The following RUSC2 variants were observed in gnomAD, a reference collection of about 807,000 sequenced individuals.
The protein encoded by RUSC2 is RUN and SH3 domain containing 2, also known as AP-4 complex accessory subunit RUSC2.
In RUSC2, 34 loss-of-function variants were observed where a neutral mutation model predicts 122.2. The observed-to-expected ratio is 0.28, with a 90% CI of 0.21 to 0.37. RUSC2 has a LOEUF of 0.37. RUSC2 is among the 10% of genes least tolerant of loss of function. The pLI, the probability that RUSC2 is intolerant of heterozygous loss-of-function variation, is 1.00. For missense variants in RUSC2, 1,747 were observed against 1,952.4 expected (o/e 0.89, Z 1.98); for synonymous variants, 784 against 790.0 (o/e 0.99, Z 0.13).
At chr9:35,530,681 C>T (rs1821402569) in intron 1 of RUSC2, among the ~76,000 whole-genome samples, 1 of 152,042 alleles carries the variant, frequency 6.6e-6, no homozygotes, top group East Asian at 2.0e-4. Flanking sequence ...ACTCTGTCGC[C>T]CAGGCTGGAG....
At chr9:35,559,982 A>G in intron 9 of RUSC2, 47 bp from the exon 10 acceptor site, 1 of 1,491,980 alleles carries the variant, frequency 6.7e-7, no homozygotes, top group South Asian at 1.3e-5. Context: ...CACTTGGGCC[A>G]GGCTCTGGTT....
intron 1 of RUSC2, among the ~76,000 whole-genome samples, chr9:35,501,393 A>G (rs1820814543): frequency 1.3e-5 from 2 of 152,220 alleles, no homozygotes. Context: ...CCTTGGCAAC[A>G]TGGGAAAACC....
At chr9:35,520,964 C>T (rs1821202208) in intron 1 of RUSC2, among the ~76,000 whole-genome samples, 1 of 152,112 alleles carries the variant, frequency 6.6e-6, no homozygotes, top group African/African-American at 2.4e-5. Context: ...TTCCTTATTC[C>T]CTATAGTCTT....
At position 35,548,717 on chromosome 9, in the gene RUSC2, A is replaced by G; in HGVS notation, c.2014+182A>G. On this transcript the variant is annotated intron_variant, in intron 2 of 11. Coordinates refer to ENST00000361226, the MANE Select transcript of RUSC2 (RefSeq NM_014806.5). This position sits in a 1 kb window ranked among gnomAD's most constrained non-coding sequence, Gnocchi z 4.5. ...CTACAGTGGAATAGGCTCACTGGAG[A>G]AAGACAGAGGACTCAAAAATACACT... is the stretch of plus-strand genomic sequence containing the variant. The G allele has an allele frequency of 1.0e-6, 1 of 985,268 alleles. No individual in the cohort carries two copies. 61.0% of individuals were successfully genotyped at this position (985,268 alleles called of 1,614,324 possible). A position where few individuals can be genotyped will look rare whatever the true frequency, so the allele number is the denominator to read the frequency against.
chr9:35,515,508 A>G (rs796472968), intron 1 of RUSC2, among the ~76,000 whole-genome samples: 15 of 152,246 alleles, frequency 9.9e-5, no homozygotes, highest in African/African-American at 2.6e-4. Flanking sequence ...GTTTTTCTCT[A>G]TCAAGGATAT....
intron 1 of RUSC2, among the ~76,000 whole-genome samples, chr9:35,492,726 C>T (rs1192187362): frequency 4.6e-5 from 7 of 152,012 alleles, no homozygotes. Context: ...TCTTAAGTGG[C>T]ATTAAATATA....
chr9:35,500,442 G>C (rs575281451), intron 1 of RUSC2, among the ~76,000 whole-genome samples: 67 of 152,234 alleles, frequency 4.4e-4, no homozygotes, highest in African/African-American at 1.6e-3. Context: ...GATTTGGGTG[G>C]GAACATAGCC....
intron 1 of RUSC2, among the ~76,000 whole-genome samples, chr9:35,542,362 TAA>T (rs2132545324): frequency 1.3e-5 from 2 of 152,322 alleles, no homozygotes; most frequent in South Asian, 4.1e-4. Context: ...TTAGGACAGG[TAA>T]AGATTTCTTA....
rs746193398 is a variant in RUSC2, at chr9:35,547,206, T to C, written c.685T>C (p.Trp229Arg). Residue 229 changes from tryptophan to arginine, a missense_variant, in exon 2 of 12, where the codon TGG becomes CGG. Coordinates refer to ENST00000361226, the MANE Select transcript of RUSC2 (RefSeq NM_014806.5). The surrounding 1 kb of genome is among the most constrained non-coding windows in gnomAD (Gnocchi z 4.6). ...DTSGFSFDQEWKLSSDESPRN... is the reference protein window; with the variant it reads ...DTSGFSFDQERKLSSDESPRN... ...CTCTGGCTTTTCCTTTGACCAGGAA[T>C]GGAAGCTCAGTTCAGATGAATCCCC... The C allele has an allele frequency of 1.2e-6, 2 of 1,614,168 alleles. No individual in the cohort carries two copies. The highest frequency in any genetic ancestry group is 3.3e-5 in the Admixed American group (2 of 60,030).
In RUSC2 at chr9:35,547,060, T is replaced by G; in HGVS notation, c.539T>G (p.Leu180Trp). 2 of 1,613,018 alleles carry G rather than the reference T, an allele frequency of 1.2e-6. No homozygotes were observed. The highest frequency in any genetic ancestry group is 1.7e-6 in the Non-Finnish European group (2 of 1,179,406). The change falls in exon 2 of 12, where the codon TTG (leucine) becomes TGG (tryptophan). Residue 180 changes from leucine to tryptophan, a missense_variant. By Grantham distance (61) the Leu-to-Trp change is moderately conservative. Transcript: ENST00000361226. The surrounding 1 kb of genome is among the most constrained non-coding windows in gnomAD (Gnocchi z 4.6). ...EGQEQEPVMT[L>W]DTQQCGTSHC... ...CAGGAACAGGAGCCAGTGATGACCT[T>G]GGATACTCAGCAGTGCGGCACCAGC...
chr9:35,548,491 C>T lies in RUSC2; in HGVS notation c.1970C>T (p.Pro657Leu). Residue 657 changes from proline (P) to leucine (L), a missense_variant, in exon 2 of 12, where the codon CCA (proline) becomes CTA (leucine). By Grantham distance (98) the Pro-to-Leu change is moderately conservative (BLOSUM62 -3). Coordinates refer to ENST00000361226, the MANE Select transcript of RUSC2 (RefSeq NM_014806.5). This position sits in a 1 kb window ranked among gnomAD's most constrained non-coding sequence, Gnocchi z 4.5. ...MDPGPALPGS[P>L]ANSHTQRDAR... ...CCAGGGCCTGCTCTCCCAGGGAGCC[C>T]AGCCAACAGCCATACCCAGAGGGAT... 6.2e-7 allele frequency: 1 copy of T among 1,613,622 alleles called. No homozygotes were observed. Among genetic ancestry groups the T allele is most frequent in the Non-Finnish European group, 8.5e-7 (1 of 1,179,972 alleles).
At chr9:35,491,813 G>A (rs998076063) in intron 1 of RUSC2, among the ~76,000 whole-genome samples, 2 of 152,158 alleles carry the variant, frequency 1.3e-5, no homozygotes, top group Non-Finnish European at 2.9e-5. Flanking sequence ...ACCGGGCATG[G>A]TGGTGTGCAC....
intron 1 of RUSC2, among the ~76,000 whole-genome samples, chr9:35,529,261 G>A (rs1249197151): frequency 6.6e-6 from 1 of 152,052 alleles, no homozygotes; most frequent in African/African-American, 2.4e-5. Context: ...GACAAATAAT[G>A]CAAATAAGTA....
intron 1 of RUSC2, among the ~76,000 whole-genome samples, chr9:35,496,223 G>A (rs976812020): frequency 6.6e-5 from 10 of 152,090 alleles, no homozygotes; most frequent in Non-Finnish European, 7.4e-5. Flanking sequence ...AACTTCAATC[G>A]AGCGGGTTCT....
At chr9:35,543,174 C>G (rs1821675464) in intron 1 of RUSC2, among the ~76,000 whole-genome samples, 1 of 152,282 alleles carries the variant, frequency 6.6e-6, no homozygotes. Context: ...ATCTGTAATC[C>G]TAGCACTTTG....
chr9:35,514,220 G>T (rs1431660270), intron 1 of RUSC2, among the ~76,000 whole-genome samples: 1 of 152,052 alleles, frequency 6.6e-6, no homozygotes, highest in Admixed American at 6.6e-5. Context: ...GAAGTGCAAG[G>T]TGCTTTGAGA....
Position 35,560,823 on chromosome 9 carries a change from G to T in RUSC2, c.4183G>T (p.Ala1395Ser). Residue 1395 changes from alanine to serine, a missense_variant, in exon 10 of 12, where the codon GCC (alanine) becomes TCC (serine). Coordinates refer to ENST00000361226, the MANE Select transcript of RUSC2 (RefSeq NM_014806.5). ...GGGACACCTCTTTGGCTCCCGAAAA[G>T]CCCAGCGGGAGGCCCGGCCCACAAA... ...KWGHLFGSRK[A>S]QREARPTNRL... The T allele has an allele frequency of 6.5e-7, 1 of 1,530,634 alleles. No individual in the cohort carries two copies. Among genetic ancestry groups the T allele is most frequent in the East Asian group, 2.3e-5 (1 of 44,186 alleles). 94.8% of individuals were successfully genotyped at this position (1,530,634 alleles called of 1,614,324 possible).
At chr9:35,492,654 A>G (rs1042509662) in intron 1 of RUSC2, among the ~76,000 whole-genome samples, 1 of 146,212 alleles carries the variant, frequency 6.8e-6, no homozygotes, top group African/African-American at 2.6e-5. Context: ...GTGCTGTACC[A>G]TATTTACTCT....
At chr9:35,508,579 A>G (rs547027178) in intron 1 of RUSC2, among the ~76,000 whole-genome samples, 1 of 152,362 alleles carries the variant, frequency 6.6e-6, no homozygotes, top group South Asian at 2.1e-4. Context: ...ATCCATATGC[A>G]GAGAATATCA....
Sources: gnomAD v4.1 joint callset for allele counts (sites outside exome capture counted in the v4.1 genomes callset) on GRCh38, gnomAD v4.1.1 for gene constraint, Gnocchi (gnomAD v3.1) non-coding constraint, MANE v1.5 for transcripts, NCBI Gene and HGNC (gene_info 2026-07-23, HGNC 2026-07-21) for gene names.